Variants in GRIP1 observed in about 807,000 individuals in gnomAD.
GRIP1 encodes glutamate receptor interacting protein 1, also known as glutamate receptor-interacting protein 1.
GRIP1 carries 45 observed loss-of-function variants against 129.9 expected under a neutral mutation model. The ratio of observed to expected loss-of-function variants is 0.35; its 90% CI spans 0.27 to 0.44. The LOEUF (loss-of-function observed/expected upper bound fraction) is 0.44. Among genes scored for constraint, GRIP1 ranks in the 20% least tolerant of loss-of-function variants. GRIP1 has a pLI of 1.00. For missense variants in GRIP1, 1,196 were observed against 1,396.8 expected (o/e 0.86, Z 2.29); for synonymous variants, 530 against 520.8 (o/e 1.02, Z -0.24).
intron 1 of GRIP1, among the ~76,000 whole-genome samples, chr12:67,026,256 T>C (rs2042940494): frequency 6.6e-6 from 1 of 152,230 alleles, no homozygotes; most frequent in Non-Finnish European, 1.5e-5. Flanking sequence ...ACAAATGTCA[T>C]GCCTAATCTT....
chr12:66,842,578 T>C (rs2039739210), intron 1 of GRIP1, among the ~76,000 whole-genome samples: 1 of 152,218 alleles, frequency 6.6e-6, no homozygotes, highest in African/African-American at 2.4e-5. Flanking sequence ...GTATTTTTGC[T>C]ATTATGAAAA....
At chr12:66,770,107 T>G (rs11835056) in intron 1 of GRIP1, among the ~76,000 whole-genome samples, 2,028 of 152,292 alleles carry the variant, frequency 0.013, 52 homozygotes, top group African/African-American at 0.047. Context: ...CATGGATTAT[T>G]GAAATGAACT....
chr12:66,949,248 A>C (rs539553747), intron 1 of GRIP1, among the ~76,000 whole-genome samples: 1 of 152,292 alleles, frequency 6.6e-6, no homozygotes, highest in African/African-American at 2.4e-5. Context: ...TAAAAAAAAG[A>C]AGCTGTTGGG....
At chr12:67,001,820 G>A (rs2042554787) in intron 1 of GRIP1, among the ~76,000 whole-genome samples, 1 of 152,066 alleles carries the variant, frequency 6.6e-6, no homozygotes, top group African/African-American at 2.4e-5. Context: ...CTTTTCACAA[G>A]TCCACACAAC....
Position 66,754,713 on chromosome 12 carries a change from C to A in GRIP1, c.-420+49340G>T, listed in dbSNP as rs545021766. 9.2e-4 allele frequency among the ~76,000 whole-genome samples: 140 copies of A among 152,222 alleles called. 1 individual carries two copies. The highest frequency in any genetic ancestry group is 3.2e-3 in the African/African-American group (134 of 41,530). The stretch of plus-strand genomic sequence containing the variant: ...CATGGAGTTCTCTTGATTCTCAAGC[C>A]AAAATCAGCCTGAGGAAGTCCCCAT... On this transcript the variant is annotated intron_variant, in intron 1 of 4. Coordinates refer to the GRIP1 transcript ENST00000538373.
intron 2 of GRIP1, chr12:66,567,724 T>C (rs553896648): frequency 5.5e-5 from 12 of 219,798 alleles, no homozygotes; most frequent in African/African-American, 2.5e-4. Flanking sequence ...TCCCCTTCAG[T>C]TGAGCAGAAG....
chr12:66,468,251 T>A (rs1452310416), intron 7 of GRIP1, among the ~76,000 whole-genome samples: 1 of 152,182 alleles, frequency 6.6e-6, no homozygotes, highest in East Asian at 1.9e-4. Context: ...GCTGGTGGAA[T>A]GTGGGCTCAG....
At chr12:66,770,044 C>A (rs1592828149) in intron 1 of GRIP1, among the ~76,000 whole-genome samples, 1 of 152,222 alleles carries the variant, frequency 6.6e-6, no homozygotes, top group East Asian at 1.9e-4. Context: ...TATTTAACCA[C>A]CTGTACCCCC....
chr12:66,478,836 A>C (rs1365472313), intron 7 of GRIP1, among the ~76,000 whole-genome samples: 1 of 152,150 alleles, frequency 6.6e-6, no homozygotes, highest in Non-Finnish European at 1.5e-5. Flanking sequence ...CAATGAGAAC[A>C]CTTGGACACA....
At chr12:66,653,610 C>A (rs1003713321) in intron 1 of GRIP1, among the ~76,000 whole-genome samples, 7 of 152,166 alleles carry the variant, frequency 4.6e-5, no homozygotes, top group Non-Finnish European at 1.0e-4. Context: ...ACCCAAGAAA[C>A]TGTTGACGCA....
At chr12:66,574,769 C>T (rs975944466) in intron 2 of GRIP1, among the ~76,000 whole-genome samples, 11 of 142,556 alleles carry the variant, frequency 7.7e-5, no homozygotes, top group African/African-American at 2.6e-4. Flanking sequence ...ACTGAAGGAA[C>T]TCTCTGTTCC....
At chr12:66,474,357 G>A (rs576389455) in intron 7 of GRIP1, among the ~76,000 whole-genome samples, 1 of 152,240 alleles carries the variant, frequency 6.6e-6, no homozygotes, top group Non-Finnish European at 1.5e-5. Flanking sequence ...TTTGATTGGT[G>A]TACCTGAAAG....
intron 1 of GRIP1, among the ~76,000 whole-genome samples, chr12:66,826,868 G>GTATA (rs2039422730): frequency 6.6e-6 from 1 of 151,890 alleles, no homozygotes; most frequent in South Asian, 2.1e-4. Context: ...TACTCACTAG[G>GTATA]TATATTCTGT....
chr12:66,838,529 A>G (rs1159114255), intron 1 of GRIP1, among the ~76,000 whole-genome samples: 2 of 152,186 alleles, frequency 1.3e-5, no homozygotes, highest in African/African-American at 4.8e-5. Flanking sequence ...GCAGAGGCAC[A>G]ACACGCTCAT....
intron 23 of GRIP1, among the ~76,000 whole-genome samples, chr12:66,359,895 T>G: frequency 6.6e-6 from 1 of 152,346 alleles, no homozygotes; most frequent in East Asian, 1.9e-4. Context: ...AGTGGTTACC[T>G]TGGATTTACT....
At chr12:66,416,376 C>T (rs935399182) in intron 15 of GRIP1, among the ~76,000 whole-genome samples, 5 of 151,926 alleles carry the variant, frequency 3.3e-5, no homozygotes, top group Non-Finnish European at 5.9e-5. Flanking sequence ...AAACTGAACC[C>T]AAGATTAGTG....
chr12:66,458,857 C>T (rs2059049173), intron 9 of GRIP1, among the ~76,000 whole-genome samples: 1 of 152,180 alleles, frequency 6.6e-6, no homozygotes, highest in African/African-American at 2.4e-5. Flanking sequence ...GCTGTTCTTT[C>T]CCCAGTTGTT....
chr12:66,661,307 T>C (rs1393178680), intron 1 of GRIP1, among the ~76,000 whole-genome samples: 4 of 151,990 alleles, frequency 2.6e-5, no homozygotes, highest in Non-Finnish European at 5.9e-5. Flanking sequence ...TCATCTAAAA[T>C]TTCCAGTGAA....
chr12:66,545,536 C>G (rs78316635), intron 2 of GRIP1, among the ~76,000 whole-genome samples: 2,853 of 152,230 alleles, frequency 0.019, 43 homozygotes, highest in Non-Finnish European at 0.031. Flanking sequence ...AAAAACTTAA[C>G]AAAACTGTGC....
Sources: gnomAD v4.1 joint callset for allele counts (sites outside exome capture counted in the v4.1 genomes callset) on GRCh38, gnomAD v4.1.1 for gene constraint, MANE v1.5 for transcripts, NCBI Gene and HGNC (gene_info 2026-07-23, HGNC 2026-07-21) for gene names.